Variants in PAGE4 observed in about 807,000 individuals in gnomAD.
PAGE4 encodes the protein P antigen family member 4.
PAGE4 carries 1 observed loss-of-function variant against 8.5 expected under a neutral mutation model. That is an observed-to-expected ratio of 0.12 (90% confidence interval 0.04 to 0.56). The LOEUF is 0.56. PAGE4 is among the 20% of genes least tolerant of loss of function. The pLI is 0.91. For synonymous variants in PAGE4, 26 were observed against 26.3 expected, an observed-to-expected ratio of 0.99 and a Z score of 0.04; for missense variants, 93 against 82.7, an observed-to-expected ratio of 1.13 and a Z score of -0.49.
At chrX:49,831,990 G>A (rs190694324) in intron 3 of PAGE4, among the ~76,000 whole-genome samples, 1 of 111,550 alleles carries the variant, frequency 9.0e-6, no homozygotes, top group African/African-American at 3.3e-5. Context: ...ATTGCATTTA[G>A]TTGCCATATC....
At chrX:49,832,490 CT>C in intron 3 of PAGE4, 34 bp from the exon 4 acceptor site, 1 of 970,503 alleles carries the variant, frequency 1.0e-6, no homozygotes, top group Non-Finnish European at 1.4e-6. Context: ...TAATTTACTG[CT>C]TACTTATATC....
chrX:49,830,515 A>G lies in PAGE4; in HGVS notation c.78+9A>G. On this transcript the variant is annotated intron_variant, in intron 2 of 4. Transcript: ENST00000218068. ...TGGTTGCATTCGTGGCTGTGAGTACATTTCAGTATCTTATTTCCATTGGCA... is the reference window on the plus strand; with the variant it reads ...TGGTTGCATTCGTGGCTGTGAGTACGTTTCAGTATCTTATTTCCATTGGCA... 3.6e-6 allele frequency: 4 copies of G among 1,123,239 alleles called. No individual in the cohort carries two copies. Among genetic ancestry groups the G allele is most frequent in the Non-Finnish European group, 4.9e-6 (4 of 822,891 alleles). 92.6% of individuals were successfully genotyped at this position (1,123,239 alleles called of 1,213,427 possible).
Position 49,832,573 on chromosome X carries a change from G to A in PAGE4, c.215G>A (p.Arg72Gln), listed in dbSNP as rs201664637. The stretch of plus-strand genomic sequence containing the variant: ...CAGGAAATGGATCTGGAAAAGACTC[G>A]GAGTGAGCGTGGAGATGGCTCTGAT... ...DCQEMDLEKTRSERGDGSDVK... is the reference protein window; with the variant it reads ...DCQEMDLEKTQSERGDGSDVK... The change falls in exon 4 of 5, where the codon CGG becomes CAG. Residue 72 changes from arginine to glutamine, a missense_variant. Transcript: ENST00000218068. 27 of 1,191,100 alleles carry A rather than the reference G, an allele frequency of 2.3e-5. No homozygotes were observed. In the Middle Eastern group the frequency reaches 7.0e-4, roughly 31 times the overall value.
In PAGE4 at chrX:49,830,681, T is replaced by C. The variant is rs140934858; in HGVS notation, c.78+175T>C. 1,077 of 438,510 alleles carry C rather than the reference T, an allele frequency of 2.5e-3. 11 individuals are homozygous for C. In the African/African-American group the frequency reaches 0.025, roughly 10 times the overall value. The allele number at this position is 438,510 out of a possible 1,213,427, so 36.1% of individuals were successfully genotyped here. On this transcript the variant is annotated intron_variant, in intron 2 of 4. Coordinates refer to ENST00000218068, the MANE Select transcript of PAGE4 (RefSeq NM_007003.4). ...AGCAAGGAGACTTATTTTCTGATAT[T>C]GTCTGCATATGTATGTTTTTAAGAG... is the stretch of plus-strand genomic sequence containing the variant.
Position 49,833,849 on chromosome X carries a change from A to T in PAGE4, c.296A>T (p.Asp99Val), listed in dbSNP as rs782094241. The change falls in exon 5 of 5, where the codon GAT becomes GTT. Residue 99 changes from aspartate to valine, a missense_variant. Coordinates refer to ENST00000218068, the MANE Select transcript of PAGE4 (RefSeq NM_007003.4). ...PKHAKTKEAG[D>V]GQP Reference sequence around the variant, plus strand: ...AACTGTTATGTTTATATTTTAGGAGATGGGCAGCCATAAGTTAAAAAGAAG... The same window carrying T: ...AACTGTTATGTTTATATTTTAGGAGTTGGGCAGCCATAAGTTAAAAAGAAG... The T allele has an allele frequency of 8.4e-7, 1 of 1,183,808 alleles. No individual in the cohort carries two copies. Among genetic ancestry groups the T allele is most frequent in the Non-Finnish European group, 1.1e-6 (1 of 872,757 alleles).
rs1557156459 is a variant in PAGE4, at chrX:49,830,746, A to G, written c.78+240A>G. ...TATGACTTTCCTATCATGCTTATTA[A>G]TAAATAATACAGCCCAGAGAAGATG... is the stretch of plus-strand genomic sequence containing the variant. On this transcript the variant is annotated intron_variant, in intron 2 of 4. Transcript: ENST00000218068. The G allele has an allele frequency of 9.3e-6, 4 of 430,308 alleles. No homozygotes were observed. The African/African-American group carries it at 1.0e-4, about 11-fold the overall frequency. 35.5% of individuals were successfully genotyped at this position (430,308 alleles called of 1,213,427 possible).
intron 4 of PAGE4, 35 bp downstream of exon 4, chrX:49,832,685 T>C: frequency 8.8e-7 from 1 of 1,137,120 alleles, no homozygotes; most frequent in Non-Finnish European, 1.2e-6. Context: ...GTCATGGGGT[T>C]ACTCTTTTTC....
At chrX:49,829,576 C>T (rs1923411105) in intron 1 of PAGE4, 1 of 111,952 alleles carries the variant, frequency 8.9e-6, no homozygotes, top group African/African-American at 3.3e-5. Flanking sequence ...GTCCTGGAGG[C>T]ATATGAAACT....
rs1322568676 is a variant in PAGE4 at position 49,834,051 on chromosome X, G to A, written c.*189G>A. 1.5e-5 allele frequency: 6 copies of A among 402,690 alleles called. No homozygotes were observed. The highest frequency in any genetic ancestry group is 2.5e-5 in the African/African-American group (1 of 39,973). The allele number at this position is 402,690 out of a possible 1,213,427, so 33.2% of individuals were successfully genotyped here. ...TATCTTTAAAAAATCCTTGTGTTCT[G>A]TTTAGAGCTGGTATATATTTTTGTA... On this transcript the variant is annotated 3_prime_UTR_variant, in exon 5 of 5. Transcript: ENST00000218068.
chrX:49,830,718 TCTTATGA>T lies in PAGE4; in HGVS notation c.78+216_78+222del, dbSNP rs1923449860. On this transcript the variant is annotated intron_variant, in intron 2 of 4. Coordinates refer to ENST00000218068, the MANE Select transcript of PAGE4 (RefSeq NM_007003.4). ...TATGTTTTTAAGAGTCTGGAAATAG[TCTTATGA>T]CTTTCCTATCATGCTTATTAATAAA... 4 of 434,358 alleles carry T rather than the reference TCTTATGA, an allele frequency of 9.2e-6. No individual in the cohort carries two copies. In the South Asian group the frequency reaches 1.2e-4, roughly 13 times the overall value. The allele number at this position is 434,358 out of a possible 1,213,427, so 35.8% of individuals were successfully genotyped here.
In PAGE4 at chrX:49,834,097, A is replaced by C. The variant is rs1391018199; in HGVS notation, c.*235A>C. 2.8e-6 allele frequency: 1 copy of C among 354,994 alleles called. No individual in the cohort carries two copies. Among genetic ancestry groups the C allele is most frequent in the African/African-American group, 2.6e-5 (1 of 39,008 alleles). 29.3% of individuals were successfully genotyped at this position (354,994 alleles called of 1,213,427 possible). ...TTGTATACTGATTTTGTGTTGGGCAACATTGCTAAACTTGCCTATTCTGTT... is the reference window on the plus strand; with the variant it reads ...TTGTATACTGATTTTGTGTTGGGCACCATTGCTAAACTTGCCTATTCTGTT... On this transcript the variant is annotated 3_prime_UTR_variant, in exon 5 of 5. Transcript: ENST00000218068.
Position 49,834,056 on chromosome X carries a change from G to C in PAGE4, c.*194G>C. The C allele has an allele frequency of 2.5e-6, 1 of 398,710 alleles. No homozygotes were observed. The highest frequency in any genetic ancestry group is 4.4e-6 in the Non-Finnish European group (1 of 226,955). 32.9% of individuals were successfully genotyped at this position (398,710 alleles called of 1,213,427 possible). A position where few individuals can be genotyped will look rare whatever the true frequency, so the allele number is the denominator to read the frequency against. On this transcript the variant is annotated 3_prime_UTR_variant, in exon 5 of 5. Coordinates refer to ENST00000218068, the MANE Select transcript of PAGE4 (RefSeq NM_007003.4). Reference sequence around the variant, plus strand: ...TTAAAAAATCCTTGTGTTCTGTTTAGAGCTGGTATATATTTTTGTATACTG... The same window carrying C: ...TTAAAAAATCCTTGTGTTCTGTTTACAGCTGGTATATATTTTTGTATACTG...
At chrX:49,830,760 C>T (rs968809241) in intron 2 of PAGE4, 10 of 431,522 alleles carry the variant, frequency 2.3e-5, no homozygotes, top group Admixed American at 2.3e-4. Flanking sequence ...ATAATACAGC[C>T]CAGAGAAGAT....
chrX:49,832,965 A>T (rs1923523061), intron 4 of PAGE4, among the ~76,000 whole-genome samples: 2 of 112,180 alleles, frequency 1.8e-5, no homozygotes, highest in Non-Finnish European at 3.8e-5. Flanking sequence ...TGTTCCTTTA[A>T]GAAAAAAATT....
At position 49,834,075 on chromosome X, in the gene PAGE4, T is replaced by G. The variant is rs76949620; in HGVS notation, c.*213T>G. On this transcript the variant is annotated 3_prime_UTR_variant, in exon 5 of 5. Transcript: ENST00000218068. ...TGTTTAGAGCTGGTATATATTTTTG[T>G]ATACTGATTTTGTGTTGGGCAACAT... 2.7e-5 allele frequency: 10 copies of G among 372,545 alleles called. No homozygotes were observed. The South Asian group carries it at 6.1e-4, about 23-fold the overall frequency. The allele number at this position is 372,545 out of a possible 1,213,427, so 30.7% of individuals were successfully genotyped here.
At position 49,831,363 on chromosome X, in the gene PAGE4, A is replaced by C. The variant is rs781848507; in HGVS notation, c.166+279A>C. 3 of 291,976 alleles carry C rather than the reference A, an allele frequency of 1.0e-5. No homozygotes were observed. In the South Asian group the frequency reaches 2.7e-4, roughly 27 times the overall value. The allele number at this position is 291,976 out of a possible 1,213,427, so 24.1% of individuals were successfully genotyped here. A position where few individuals can be genotyped will look rare whatever the true frequency, so the allele number is the denominator to read the frequency against. ...AAGGAAACTACATTAAATTTAGACA[A>C]AATTGTAAACTGTTTCATGAGTTAA... On this transcript the variant is annotated intron_variant, in intron 3 of 4. Transcript: ENST00000218068.
Position 49,832,534 on chromosome X carries a change from TAGA to T in PAGE4, c.179_181del (p.Glu60del). On this transcript the variant is annotated inframe_deletion, in exon 4 of 5. Transcript: ENST00000218068. ...TTTTTATTTATATAAGAACGTAAAG[TAGA>T]AGGTGATTGCCAGGAAATGGATCTG... is the stretch of plus-strand genomic sequence containing the variant. 1 of 1,181,527 alleles carries T rather than the reference TAGA, an allele frequency of 8.5e-7. No homozygotes were observed. The highest frequency in any genetic ancestry group is 1.1e-6 in the Non-Finnish European group (1 of 871,803).
chrX:49,832,726 A>G (rs1049123309), intron 4 of PAGE4, 76 bp downstream of exon 4: 13 of 918,514 alleles, frequency 1.4e-5, no homozygotes, highest in African/African-American at 8.1e-5. Flanking sequence ...AGTCTCGCAT[A>G]CAAATATTAT....
intron 3 of PAGE4, 31 bp from the exon 4 acceptor site, chrX:49,832,494 C>T (rs1923505420): frequency 1.0e-6 from 1 of 1,004,958 alleles, no homozygotes; most frequent in Admixed American, 2.7e-5. Context: ...TTACTGCTTA[C>T]TTATATCAAT....
Sources: allele counts gnomAD v4.1 joint callset (sites outside exome capture counted in the v4.1 genomes callset), GRCh38; gene constraint gnomAD v4.1.1; transcripts MANE v1.5; gene names NCBI Gene and HGNC (gene_info 2026-07-23, HGNC 2026-07-21).